The following MYT1L variants were observed in gnomAD, a reference collection of about 807,000 sequenced individuals.
MYT1L encodes myelin transcription factor 1-like protein.
Under a neutral mutation model 126.7 loss-of-function variants are expected in MYT1L, and 12 were observed. The ratio of observed to expected loss-of-function variants is 0.09; its 90% CI spans 0.06 to 0.15. MYT1L has a LOEUF of 0.15. Ranked by LOEUF, MYT1L falls within the 10% of genes least tolerant of loss-of-function variation. The probability of loss-of-function intolerance (pLI) is 1.00; values close to 1 mark genes in which losing one functional copy is unlikely to be tolerated. For synonymous variants in MYT1L, 541 were observed against 604.2 expected (o/e 0.90, Z 1.53); for missense variants, 979 against 1,585.2 (o/e 0.62, Z 6.49).
At chr2:2,284,336 C>T (rs2095487718) in intron 2 of MYT1L, 68 bp downstream of exon 2, 1 of 152,040 alleles carries the variant, frequency 6.6e-6, no homozygotes, top group Admixed American at 6.5e-5. Context: ...CTTGTGAGTT[C>T]TGCTTGTTTT....
intron 2 of MYT1L, among the ~76,000 whole-genome samples, chr2:2,257,011 T>C (rs1182166342): frequency 6.6e-6 from 1 of 152,140 alleles, no homozygotes; most frequent in Non-Finnish European, 1.5e-5. Context: ...ATTTTCAATG[T>C]TCCCCTTGCT....
At chr2:2,325,335 G>A (rs571138783) in intron 1 of MYT1L, 2 of 152,232 alleles carry the variant, frequency 1.3e-5, no homozygotes, top group Non-Finnish European at 2.9e-5. Flanking sequence ...ATATTATTCT[G>A]TTTCAGTATG....
chr2:2,112,586 G>A (rs2079600120), intron 3 of MYT1L, among the ~76,000 whole-genome samples: 1 of 152,186 alleles, frequency 6.6e-6, no homozygotes. Flanking sequence ...GTTATCTGAT[G>A]CCCTGGAGTC....
chr2:2,030,493 T>C (rs1480805424), intron 4 of MYT1L, among the ~76,000 whole-genome samples: 1 of 152,262 alleles, frequency 6.6e-6, no homozygotes, highest in Non-Finnish European at 1.5e-5. Flanking sequence ...TTTTATTCTC[T>C]AAATAAAATT....
At chr2:1,915,075 C>A (rs921935660) in intron 11 of MYT1L, among the ~76,000 whole-genome samples, 1 of 152,134 alleles carries the variant, frequency 6.6e-6, no homozygotes, top group Non-Finnish European at 1.5e-5. Context: ...CTCAGCCGGG[C>A]TGGGAGCTCT....
chr2:2,145,017 T>C (rs941771200), intron 3 of MYT1L, among the ~76,000 whole-genome samples: 1 of 152,270 alleles, frequency 6.6e-6, no homozygotes, highest in African/African-American at 2.4e-5. Flanking sequence ...ACTATCTTAA[T>C]ATTTGCTTTG....
chr2:1,933,493 G>A (rs187982809), intron 9 of MYT1L, among the ~76,000 whole-genome samples: 34 of 152,308 alleles, frequency 2.2e-4, no homozygotes, highest in Admixed American at 4.6e-4. Flanking sequence ...GAATTCTTCC[G>A]AAGACTGAAC....
chr2:1,859,299 T>C (rs2044282023), intron 18 of MYT1L, among the ~76,000 whole-genome samples: 1 of 152,234 alleles, frequency 6.6e-6, no homozygotes, highest in Admixed American at 6.5e-5. Flanking sequence ...CACCTTTCTT[T>C]CTTTTGGTTC....
chr2:2,122,756 G>T (rs960292057), intron 3 of MYT1L, among the ~76,000 whole-genome samples: 1 of 151,990 alleles, frequency 6.6e-6, no homozygotes, highest in Non-Finnish European at 1.5e-5. Flanking sequence ...CTGTCCTTCC[G>T]CATCAGTGGA....
At chr2:2,077,144 T>C (rs1368642150) in intron 3 of MYT1L, among the ~76,000 whole-genome samples, 1 of 152,078 alleles carries the variant, frequency 6.6e-6, no homozygotes, top group Non-Finnish European at 1.5e-5. Context: ...ATAGAGAGTA[T>C]TTAGTCTCAG....
intron 3 of MYT1L, among the ~76,000 whole-genome samples, chr2:2,171,541 A>T (rs1166421971): frequency 1.3e-5 from 2 of 152,250 alleles, no homozygotes; most frequent in Non-Finnish European, 2.9e-5. Flanking sequence ...CCTACAGTTC[A>T]GAAACTTTAA....
At position 2,167,336 on chromosome 2, in the gene MYT1L, T is replaced by C. The variant is rs147061512; in HGVS notation, c.-304+5536A>G. 4.1e-3 allele frequency among the ~76,000 whole-genome samples: 624 copies of C among 152,324 alleles called. 4 individuals carry two copies. Among genetic ancestry groups the C allele is most frequent in the African/African-American group, 0.015 (603 of 41,580 alleles). On this transcript the variant is annotated intron_variant, in intron 3 of 24. Transcript: ENST00000647738. ...CAATGATGTCTGAATCCCACCTGGA[T>C]CTGCACAGCGTTGCTGCACTGTAAG...
intron 3 of MYT1L, among the ~76,000 whole-genome samples, chr2:2,073,288 C>G (rs1027648811): frequency 6.6e-6 from 1 of 151,026 alleles, no homozygotes; most frequent in Non-Finnish European, 1.5e-5. Flanking sequence ...ATCCCCCCAT[C>G]ACTGCCTTAG....
At chr2:2,007,855 A>G (rs962732355) in intron 4 of MYT1L, among the ~76,000 whole-genome samples, 3 of 152,210 alleles carry the variant, frequency 2.0e-5, no homozygotes, top group African/African-American at 7.2e-5. Flanking sequence ...GATAGTTTAA[A>G]TGATAATTAA....
At chr2:1,886,718 C>T (rs2048223170) in intron 17 of MYT1L, 111 bp from the exon 18 acceptor site, 1 of 560,234 alleles carries the variant, frequency 1.8e-6, no homozygotes. Flanking sequence ...AAGCAATGGG[C>T]AAGTGCTGTA....
rs896803880 is a variant in MYT1L at position 1,917,624 on chromosome 2, A to G, written c.1484-285T>C. Among the ~76,000 whole-genome samples the G allele has an allele frequency of 1.3e-5, 2 of 152,200 alleles. No individual in the cohort carries two copies. The highest frequency in any genetic ancestry group is 2.4e-5 in the African/African-American group (1 of 41,462). On this transcript the variant is annotated intron_variant, in intron 10 of 24. Transcript: ENST00000647738. The surrounding 1 kb of genome is among the most constrained non-coding windows in gnomAD (Gnocchi z 5.9). The stretch of plus-strand genomic sequence containing the variant: ...GATTCATTATTTTCCCGTGTGTTAC[A>G]TGATAAGCTGTGTTGCTCAAAGGAA...
At chr2:2,277,591 G>A (rs1303932396) in intron 2 of MYT1L, among the ~76,000 whole-genome samples, 1 of 152,214 alleles carries the variant, frequency 6.6e-6, no homozygotes, top group African/African-American at 2.4e-5. Context: ...AAATAAAGTT[G>A]TCCAGAGTCC....
Position 1,910,195 on chromosome 2 carries a change from C to A in MYT1L, c.1817+45G>T, listed in dbSNP as rs2051736025. 6.4e-7 allele frequency: 1 copy of A among 1,558,162 alleles called. No individual in the cohort carries two copies. Among genetic ancestry groups the A allele is most frequent in the Non-Finnish European group, 8.8e-7 (1 of 1,134,410 alleles). ...GTCCCCAGCGCTCCGAGGTGTGGGG[C>A]AGACTATGGATAGAGCTCACGGATG... On this transcript the variant is annotated intron_variant, in intron 13 of 24. Coordinates refer to ENST00000647738, the MANE Select transcript of MYT1L (RefSeq NM_001303052.2). The surrounding 1 kb of genome is among the most constrained non-coding windows in gnomAD (Gnocchi z 4.8).
chr2:2,044,984 T>C (rs1178591592), intron 4 of MYT1L, among the ~76,000 whole-genome samples: 1 of 152,066 alleles, frequency 6.6e-6, no homozygotes, highest in Admixed American at 6.5e-5. Context: ...AAGTAGGAGG[T>C]GTTTAAACAT....
Sources: allele counts gnomAD v4.1 joint callset (sites outside exome capture counted in the v4.1 genomes callset), GRCh38; gene constraint gnomAD v4.1.1; non-coding constraint Gnocchi (gnomAD v3.1); transcripts MANE v1.5; gene names NCBI Gene and HGNC (gene_info 2026-07-23, HGNC 2026-07-21).